Variants in ZEB2 observed in about 807,000 individuals in gnomAD.
ZEB2 encodes the protein zinc finger E-box-binding homeobox 2.
A neutral mutation model predicts 99.9 loss-of-function variants in ZEB2; 6 were observed. The ratio of observed to expected loss-of-function variants is 0.06; its 90% confidence interval spans 0.03 to 0.12. ZEB2 has a LOEUF of 0.12. Among genes scored for constraint, ZEB2 ranks in the 10% least tolerant of loss-of-function variants. The probability of loss-of-function intolerance (pLI) is 1.00; values close to 1 mark genes in which losing one functional copy is unlikely to be tolerated. For missense variants in ZEB2, 969 were observed against 1,502.8 expected (o/e 0.64, Z 5.87); for synonymous variants, 517 against 542.5 (o/e 0.95, Z 0.65).
intron 9 of ZEB2, among the ~76,000 whole-genome samples, chr2:144,395,491 C>T (rs35783446): frequency 0.14 from 21,836 of 151,836 alleles, 1,618 homozygotes; most frequent in South Asian, 0.17. Context: ...AAAATTTTGA[C>T]TGAGATCCTA....
intron 2 of ZEB2, among the ~76,000 whole-genome samples, chr2:144,515,550 G>A (rs1056234436): frequency 6.6e-6 from 1 of 151,216 alleles, no homozygotes; most frequent in Non-Finnish European, 1.5e-5. Context: ...GAGAGGGAGA[G>A]ACTTAAAAAG....
In ZEB2 at chr2:144,398,601, C is replaced by G; in HGVS notation, c.2586G>C (p.Leu862Phe). Residue 862 changes from leucine to phenylalanine, a missense_variant, in exon 8 of 10, where the codon TTG (leucine) becomes TTC (phenylalanine). Physicochemically the swap from Leu to Phe is conservative, Grantham distance 22 (BLOSUM62 0). Transcript: ENST00000627532. ...SSENSDEPLN[L>F]TFIKKEFSNS... is the part of the protein sequence containing the mutation. ...TTGAAAATTCCTTCTTGATAAAAGT[C>G]AAGTTCAGAGGCTCATCTGAGTTTT... The G allele has an allele frequency of 1.2e-6, 2 of 1,614,120 alleles. No individual in the cohort carries two copies. Among genetic ancestry groups the G allele is most frequent in the Non-Finnish European group, 1.7e-6 (2 of 1,180,016 alleles).
chr2:144,399,151 A>T lies in ZEB2; in HGVS notation c.2036T>A (p.Ile679Asn), dbSNP rs1290102590. ...PNSDELLKIS[I>N]AVGLPQEFVK... ...AAATTCCTGAGGAAGGCCCACAGCAATGGAAATTTTCAGCAGTTCATCGGA... is the reference window on the plus strand; with the variant it reads ...AAATTCCTGAGGAAGGCCCACAGCATTGGAAATTTTCAGCAGTTCATCGGA... Residue 679 changes from isoleucine to asparagine, a missense_variant, in exon 8 of 10, where the codon ATT becomes AAT. Coordinates refer to ENST00000627532, the MANE Select transcript of ZEB2 (RefSeq NM_014795.4). The surrounding 1 kb of genome is among the most constrained non-coding windows in gnomAD (Gnocchi z 5.6). The T allele has an allele frequency of 3.1e-6, 5 of 1,614,058 alleles. No individual in the cohort carries two copies. The East Asian group carries it at 1.1e-4, about 36-fold the overall frequency.
rs980092896 is a variant in ZEB2 at position 144,385,147 on chromosome 2, A to G, written c.*4304T>C. 1.3e-5 allele frequency: 2 copies of G among 151,726 alleles called. No homozygotes were observed. The highest frequency in any genetic ancestry group is 1.5e-5 in the Non-Finnish European group (1 of 68,016). 9.4% of individuals were successfully genotyped at this position (151,726 alleles called of 1,614,324 possible). ...TTATAGGAGTGCTTATATAAGCGAT[A>G]ATAATTGGACCAGTGTCCCTTGATG... On this transcript the variant is annotated 3_prime_UTR_variant, in exon 10 of 10. Coordinates refer to ENST00000627532, the MANE Select transcript of ZEB2 (RefSeq NM_014795.4).
chr2:144,499,757 T>G (rs1704842982), intron 2 of ZEB2, among the ~76,000 whole-genome samples: 1 of 152,170 alleles, frequency 6.6e-6, no homozygotes, highest in Non-Finnish European at 1.5e-5. Context: ...CTCTATTTTA[T>G]TGATGGGAGC....
intron 2 of ZEB2, among the ~76,000 whole-genome samples, chr2:144,491,024 G>A (rs750231812): frequency 2.0e-5 from 3 of 152,226 alleles, no homozygotes; most frequent in Non-Finnish European, 4.4e-5. Flanking sequence ...TCCGTGCGTT[G>A]AGGACTCCCC....
chr2:144,432,966 G>A (rs1703792808), intron 2 of ZEB2, among the ~76,000 whole-genome samples: 1 of 152,098 alleles, frequency 6.6e-6, no homozygotes, highest in Admixed American at 6.6e-5. Flanking sequence ...TTAAAAGCCT[G>A]GAAGTTCCCA....
At chr2:144,487,135 T>C (rs1054403446) in intron 2 of ZEB2, among the ~76,000 whole-genome samples, 1 of 152,222 alleles carries the variant, frequency 6.6e-6, no homozygotes, top group Non-Finnish European at 1.5e-5. Flanking sequence ...ACATTTTTGA[T>C]GTTTTTATCT....
chr2:144,435,273 T>C (rs556160408), intron 2 of ZEB2, among the ~76,000 whole-genome samples: 24 of 152,220 alleles, frequency 1.6e-4, no homozygotes, highest in Non-Finnish European at 2.6e-4. Flanking sequence ...GTAACTTCAT[T>C]TTAAAAATGT....
At chr2:144,499,513 A>C (rs1344261367) in intron 2 of ZEB2, among the ~76,000 whole-genome samples, 1 of 152,242 alleles carries the variant, frequency 6.6e-6, no homozygotes, top group African/African-American at 2.4e-5. Context: ...TGACATTGAA[A>C]AACAGTTAAT....
At chr2:144,412,616 A>T (rs1703481005) in intron 4 of ZEB2, among the ~76,000 whole-genome samples, 1 of 152,174 alleles carries the variant, frequency 6.6e-6, no homozygotes, top group South Asian at 2.1e-4. Context: ...CGAAATTCTG[A>T]CCCTTGTCCA....
intron 4 of ZEB2, among the ~76,000 whole-genome samples, chr2:144,420,530 C>T (rs1460993164): frequency 6.6e-6 from 1 of 152,140 alleles, no homozygotes; most frequent in Non-Finnish European, 1.5e-5. Context: ...ATGAAATTGA[C>T]TACATGAAAT....
intron 8 of ZEB2, among the ~76,000 whole-genome samples, chr2:144,397,579 C>G (rs536675730): frequency 6.6e-6 from 1 of 152,278 alleles, no homozygotes; most frequent in South Asian, 2.1e-4. Flanking sequence ...AAACCATTCT[C>G]TGTAAAACAA....
At chr2:144,494,227 C>A (rs557832950) in intron 2 of ZEB2, 1 of 150,960 alleles carries the variant, frequency 6.6e-6, no homozygotes, top group African/African-American at 2.4e-5. Flanking sequence ...CATGCACAGA[C>A]CCAATTCTGT....
chr2:144,497,907 A>AT (rs1167726170), intron 2 of ZEB2: 1 of 24,882 alleles, frequency 4.0e-5, no homozygotes. Flanking sequence ...CATTCTCAAC[A>AT]TATATATTAT....
At chr2:144,411,140 A>ACC (rs1703459517) in intron 4 of ZEB2, among the ~76,000 whole-genome samples, 1 of 140,362 alleles carries the variant, frequency 7.1e-6, no homozygotes, top group Non-Finnish European at 1.5e-5. Context: ...ACACACACAC[A>ACC]CACACACACG....
At chr2:144,457,488 G>A (rs1177803412) in intron 2 of ZEB2, among the ~76,000 whole-genome samples, 3 of 152,130 alleles carry the variant, frequency 2.0e-5, no homozygotes, top group African/African-American at 7.2e-5. Context: ...AGAGTATGGT[G>A]GTGTCAGTAT....
intron 9 of ZEB2, among the ~76,000 whole-genome samples, chr2:144,393,961 G>A (rs1028451981): frequency 1.3e-5 from 2 of 151,922 alleles, no homozygotes; most frequent in Non-Finnish European, 2.9e-5. Context: ...TCACACTGTC[G>A]GCCAGGCTGG....
chr2:144,417,022 A>G (rs1272639645), intron 4 of ZEB2, among the ~76,000 whole-genome samples: 1 of 152,208 alleles, frequency 6.6e-6, no homozygotes, highest in African/African-American at 2.4e-5. Flanking sequence ...AATATTTTAC[A>G]TGCATTTCGT....
Sources: allele counts gnomAD v4.1 joint callset (sites outside exome capture counted in the v4.1 genomes callset), GRCh38; gene constraint gnomAD v4.1.1; non-coding constraint Gnocchi (gnomAD v3.1); transcripts MANE v1.5; gene names NCBI Gene and HGNC (gene_info 2026-07-23, HGNC 2026-07-21).